Variants in PSD3 observed in about 807,000 individuals in gnomAD.
PSD3 encodes PH and SEC7 domain-containing protein 3.
PSD3 carries 49 observed loss-of-function variants against 105.5 expected under a neutral mutation model. That is an observed-to-expected ratio of 0.46 (90% CI 0.37 to 0.59). The LOEUF is 0.59. Among genes scored for constraint, PSD3 ranks in the 20% least tolerant of loss-of-function variants. PSD3 has a pLI of 0.00. For missense variants in PSD3, 1,561 were observed against 1,263.8 expected (o/e 1.24, Z -3.57); for synonymous variants, 557 against 457.8 (o/e 1.22, Z -2.77).
intron 4 of PSD3, among the ~76,000 whole-genome samples, chr8:18,825,575 G>T (rs969964372): frequency 2.6e-5 from 4 of 152,196 alleles, no homozygotes; most frequent in African/African-American, 9.6e-5. Context: ...TTAACTCAGA[G>T]GGTTTCAGTA....
intron 1 of PSD3, among the ~76,000 whole-genome samples, chr8:19,027,203 G>T (rs1009322360): frequency 6.6e-6 from 1 of 151,876 alleles, no homozygotes; most frequent in East Asian, 1.9e-4. Flanking sequence ...TCAGATCAGA[G>T]GTCTCCAAGG....
At chr8:19,019,754 G>A (rs774380352) in intron 1 of PSD3, among the ~76,000 whole-genome samples, 2 of 152,160 alleles carry the variant, frequency 1.3e-5, no homozygotes, top group African/African-American at 2.4e-5. Flanking sequence ...GAGAGAATAC[G>A]TCTGACACAA....
At chr8:18,916,287 TA>T (rs533872731) in intron 2 of PSD3, among the ~76,000 whole-genome samples, 1 of 120,434 alleles carries the variant, frequency 8.3e-6, no homozygotes, top group Non-Finnish European at 1.7e-5. Context: ...TGAATGGATT[TA>T]AAAAAAGTGA....
At chr8:18,781,203 A>C (rs1486023198) in intron 8 of PSD3, among the ~76,000 whole-genome samples, 1 of 152,222 alleles carries the variant, frequency 6.6e-6, no homozygotes, top group Non-Finnish European at 1.5e-5. Context: ...TTTTTACTTA[A>C]GAGCATGTAC....
chr8:18,845,273 G>A (rs1563338111), intron 4 of PSD3, among the ~76,000 whole-genome samples: 1 of 152,226 alleles, frequency 6.6e-6, no homozygotes, highest in Non-Finnish European at 1.5e-5. Flanking sequence ...TGAAGAGGAT[G>A]GCGAGAGGAA....
intron 1 of PSD3, among the ~76,000 whole-genome samples, chr8:19,006,557 C>G (rs774324802): frequency 2.0e-5 from 3 of 152,032 alleles, no homozygotes; most frequent in Non-Finnish European, 2.9e-5. Context: ...AAGACTACTC[C>G]TACATGGCTA....
At chr8:18,990,905 G>A (rs1388772439) in intron 1 of PSD3, among the ~76,000 whole-genome samples, 2 of 152,134 alleles carry the variant, frequency 1.3e-5, no homozygotes, top group African/African-American at 4.8e-5. Flanking sequence ...AATAACTGAG[G>A]AGTGGGGGAA....
chr8:18,662,662 TG>T (rs1416929156), intron 9 of PSD3, among the ~76,000 whole-genome samples: 2 of 152,214 alleles, frequency 1.3e-5, no homozygotes, highest in Non-Finnish European at 2.9e-5. Context: ...TAGTGTTCTT[TG>T]CCCCCTTCCA....
intron 6 of PSD3, among the ~76,000 whole-genome samples, chr8:18,803,589 TG>T (rs768769446): frequency 3.3e-5 from 5 of 152,020 alleles, no homozygotes; most frequent in Non-Finnish European, 5.9e-5. Flanking sequence ...TTCCCCATAA[TG>T]GGGTATTACT....
intron 9 of PSD3, among the ~76,000 whole-genome samples, chr8:18,748,614 C>T (rs963270292): frequency 2.0e-5 from 3 of 147,600 alleles, no homozygotes; most frequent in Admixed American, 1.4e-4. Context: ...GAGCTGAGAT[C>T]GCGCCACTGC....
intron 9 of PSD3, among the ~76,000 whole-genome samples, chr8:18,717,248 G>A (rs1343211288): frequency 3.3e-5 from 5 of 151,390 alleles, no homozygotes; most frequent in South Asian, 2.1e-4. Flanking sequence ...TTTTCAAAAA[G>A]TAACCATTTT....
chr8:19,011,286 G>C (rs1826938482), intron 1 of PSD3, among the ~76,000 whole-genome samples: 1 of 152,050 alleles, frequency 6.6e-6, no homozygotes. Flanking sequence ...CACCACACTG[G>C]TGTCTTAGTT....
chr8:18,652,585 T>C (rs1808591227), intron 10 of PSD3, among the ~76,000 whole-genome samples: 1 of 148,232 alleles, frequency 6.7e-6, no homozygotes, highest in African/African-American at 2.5e-5. Flanking sequence ...GCAACCTCTG[T>C]TTCTTGGGTT....
chr8:18,603,914 T>G (rs552424306), intron 11 of PSD3, among the ~76,000 whole-genome samples: 1 of 152,260 alleles, frequency 6.6e-6, no homozygotes, highest in East Asian at 1.9e-4. Context: ...ACATCATGCT[T>G]CCTGTACAGC....
At chr8:19,037,814 T>C (rs1827993604) in intron 1 of PSD3, among the ~76,000 whole-genome samples, 1 of 152,036 alleles carries the variant, frequency 6.6e-6, no homozygotes. Context: ...TTTCTTGGTT[T>C]TCCAGTTTGC....
At chr8:18,806,178 G>T (rs1198802578) in intron 4 of PSD3, among the ~76,000 whole-genome samples, 1 of 152,154 alleles carries the variant, frequency 6.6e-6, no homozygotes, top group Non-Finnish European at 1.5e-5. Flanking sequence ...TTGAGTGCAT[G>T]ACAGTGGAGA....
At chr8:18,805,058 TTAAAGAAC>T (rs1287821078) in intron 4 of PSD3, among the ~76,000 whole-genome samples, 160 bp from the exon 5 acceptor site, 1 of 152,236 alleles carries the variant, frequency 6.6e-6, no homozygotes, top group African/African-American at 2.4e-5. Context: ...TTACCATATT[TTAAAGAAC>T]TAAAGAACAG....
intron 1 of PSD3, among the ~76,000 whole-genome samples, chr8:19,031,710 G>T (rs1827779342): frequency 6.6e-6 from 1 of 152,118 alleles, no homozygotes; most frequent in Non-Finnish European, 1.5e-5. Flanking sequence ...TGCTACTTGG[G>T]AGGAAAATGG....
rs913169686 is a variant in PSD3 at position 19,000,578 on chromosome 8, T to C, written c.21+12985A>G. 5.9e-5 allele frequency: 9 copies of C among 151,940 alleles called. No individual in the cohort carries two copies. In the East Asian group the frequency reaches 1.2e-3, roughly 20 times the overall value. The allele number at this position is 151,940 out of a possible 1,614,324, so 9.4% of individuals were successfully genotyped here. A position where few individuals can be genotyped will look rare whatever the true frequency, so the allele number is the denominator to read the frequency against. ...AATCCATAGTAACACATTACTCTTA[T>C]CTTTTATGTCCTAGATTGCCATTTG... On this transcript the variant is annotated intron_variant, in intron 1 of 15. Transcript: ENST00000327040.
Sources: allele counts gnomAD v4.1 joint callset (sites outside exome capture counted in the v4.1 genomes callset), GRCh38; gene constraint gnomAD v4.1.1; transcripts MANE v1.5; gene names NCBI Gene and HGNC (gene_info 2026-07-23, HGNC 2026-07-21).